Variants in SCAPER observed in about 807,000 individuals in gnomAD.
SCAPER encodes the protein S-phase cyclin A associated protein in the ER.
A neutral mutation model predicts 182.2 loss-of-function variants in SCAPER; 98 were observed. The ratio of observed to expected loss-of-function variants is 0.54; its 90% CI spans 0.46 to 0.64. The LOEUF is 0.64. Among genes scored for constraint, SCAPER ranks in the 30% least tolerant of loss-of-function variants. The pLI, the probability that SCAPER is intolerant of heterozygous loss-of-function variation, is 0.00. For synonymous variants in SCAPER, 605 were observed against 564.6 expected, an observed-to-expected ratio of 1.07 and a Z score of -1.01; for missense variants, 1,432 against 1,690.0, an observed-to-expected ratio of 0.85 and a Z score of 2.68.
intron 20 of SCAPER, among the ~76,000 whole-genome samples, chr15:76,700,353 G>A (rs2058871658): frequency 6.6e-6 from 1 of 152,156 alleles, no homozygotes; most frequent in African/African-American, 2.4e-5. Context: ...ACCTCTCCAA[G>A]CAATTCTCCC....
At chr15:76,587,159 C>T (rs1046114969) in intron 22 of SCAPER, among the ~76,000 whole-genome samples, 10 of 151,952 alleles carry the variant, frequency 6.6e-5, no homozygotes, top group African/African-American at 1.2e-4. Flanking sequence ...TAATATCTCC[C>T]GTTTTATAAT....
At chr15:76,803,818 A>C (rs114281563) in intron 6 of SCAPER, among the ~76,000 whole-genome samples, 71 of 152,326 alleles carry the variant, frequency 4.7e-4, no homozygotes, top group African/African-American at 1.7e-3. Flanking sequence ...TCAACATATG[A>C]ATTTTGGGAA....
chr15:76,830,150 G>T (rs1305400765), intron 5 of SCAPER, among the ~76,000 whole-genome samples: 1 of 152,036 alleles, frequency 6.6e-6, no homozygotes, highest in East Asian at 1.9e-4. Flanking sequence ...ACATGGAAAG[G>T]CCAGGAAACA....
intron 21 of SCAPER, among the ~76,000 whole-genome samples, chr15:76,657,630 G>A (rs1287016028): frequency 6.8e-6 from 1 of 147,262 alleles, no homozygotes; most frequent in Non-Finnish European, 1.5e-5. Context: ...AAAGAACACA[G>A]GCCATTATTC....
chr15:76,625,463 T>C (rs993095765), intron 21 of SCAPER, among the ~76,000 whole-genome samples: 1 of 152,120 alleles, frequency 6.6e-6, no homozygotes, highest in Non-Finnish European at 1.5e-5. Context: ...CTAGGGGCAG[T>C]AGGGTCTTTG....
At chr15:76,790,360 A>G (rs1044355390) in intron 8 of SCAPER, among the ~76,000 whole-genome samples, 2 of 152,218 alleles carry the variant, frequency 1.3e-5, no homozygotes, top group East Asian at 1.9e-4. Context: ...AAGAGTTTCT[A>G]TAAGATTCAC....
At chr15:76,873,133 C>G (rs1293368714) in intron 2 of SCAPER, among the ~76,000 whole-genome samples, 2 of 151,466 alleles carry the variant, frequency 1.3e-5, no homozygotes, top group African/African-American at 4.9e-5. Context: ...CACCTGTAGT[C>G]CCGGCTACTC....
At chr15:76,634,299 G>A (rs998860728) in intron 21 of SCAPER, among the ~76,000 whole-genome samples, 2 of 152,058 alleles carry the variant, frequency 1.3e-5, no homozygotes, top group African/African-American at 4.8e-5. Context: ...CTCTCCATGG[G>A]TCATGCCAAC....
At chr15:76,768,096 C>T (rs978775014) in intron 10 of SCAPER, among the ~76,000 whole-genome samples, 1 of 151,908 alleles carries the variant, frequency 6.6e-6, no homozygotes, top group Non-Finnish European at 1.5e-5. Context: ...AAAATATAAA[C>T]CTAATGAGAA....
At chr15:76,615,492 GACACACACACACACACAC>G (rs200914871) in intron 22 of SCAPER, among the ~76,000 whole-genome samples, 9 of 140,680 alleles carry the variant, frequency 6.4e-5, no homozygotes, top group African/African-American at 2.1e-4. Context: ...CACACACACA[GACACACACACACACACAC>G]ACACACACAC....
rs754269452 is a variant in SCAPER, at chr15:76,841,904, A to G, written c.223T>C (p.Ser75Pro). The G allele has an allele frequency of 6.2e-7, 1 of 1,613,690 alleles. No homozygotes were observed. Among genetic ancestry groups the G allele is most frequent in the African/African-American group, 1.3e-5 (1 of 74,900 alleles). The change falls in exon 5 of 32, where the codon TCG (serine) becomes CCG (proline). Residue 75 changes from serine to proline, a missense_variant. By Grantham distance (74) the Ser-to-Pro change is moderately conservative. Transcript: ENST00000563290. The stretch of plus-strand genomic sequence containing the variant: ...AAGTGTTTATCTCCAGTCGTAGACG[A>G]TGTTATTTTACAGTCCACTGCAGTA... ...QSTAVDCKITSSTTGDKHFDK... is the reference protein window; with the variant it reads ...QSTAVDCKITPSTTGDKHFDK...
At chr15:76,453,459 C>T (rs750470595) in intron 25 of SCAPER, among the ~76,000 whole-genome samples, 2 of 152,174 alleles carry the variant, frequency 1.3e-5, no homozygotes, top group African/African-American at 2.4e-5. Context: ...TTGAAGATTA[C>T]AGGTTATTTT....
At chr15:76,575,415 T>A (rs1433665974) in intron 22 of SCAPER, among the ~76,000 whole-genome samples, 6 of 152,216 alleles carry the variant, frequency 3.9e-5, no homozygotes, top group Non-Finnish European at 7.3e-5. Context: ...CATAAGATGA[T>A]CCTACATTTC....
Position 76,348,738 on chromosome 15 carries a change from TGA to T in SCAPER, c.4100-4_4100-3del, listed in dbSNP as rs992476168. ...AGTCTTGGGAACCAAGGCATTTCCC[TGA>T]GAGGGGGATAAAAGAGAAAAAAGTT... On this transcript the variant is annotated splice_polypyrimidine_tract_variant and splice_region_variant and intron_variant, in intron 31 of 31. Coordinates refer to ENST00000563290, the MANE Select transcript of SCAPER (RefSeq NM_020843.4). 40 of 1,503,046 alleles carry T rather than the reference TGA, an allele frequency of 2.7e-5. No homozygotes were observed. In the African/African-American group the frequency reaches 3.3e-4, roughly 13 times the overall value. The allele number at this position is 1,503,046 out of a possible 1,614,324, so 93.1% of individuals were successfully genotyped here. A position where few individuals can be genotyped will look rare whatever the true frequency, so the allele number is the denominator to read the frequency against.
At chr15:76,498,403 A>G (rs2040806102) in intron 24 of SCAPER, 1 of 152,234 alleles carries the variant, frequency 6.6e-6, no homozygotes, top group Non-Finnish European at 1.5e-5. Flanking sequence ...ATCAGCCTCT[A>G]CACAACACAA....
At chr15:76,448,856 C>T (rs1412372514) in intron 25 of SCAPER, among the ~76,000 whole-genome samples, 1 of 152,064 alleles carries the variant, frequency 6.6e-6, no homozygotes, top group Non-Finnish European at 1.5e-5. Flanking sequence ...AGAATGGATG[C>T]AGACAGCTCT....
intron 5 of SCAPER, among the ~76,000 whole-genome samples, chr15:76,812,357 C>T (rs902270171): frequency 6.6e-6 from 1 of 151,016 alleles, no homozygotes; most frequent in African/African-American, 2.4e-5. Context: ...GACATGGTGG[C>T]ATGCGCCTGT....
intron 22 of SCAPER, among the ~76,000 whole-genome samples, chr15:76,605,777 T>A (rs1382099713): frequency 2.0e-5 from 3 of 152,250 alleles, no homozygotes; most frequent in Non-Finnish European, 4.4e-5. Flanking sequence ...GATGAATTTA[T>A]CCATTTCTTC....
At chr15:76,585,872 C>T (rs1490716604) in intron 22 of SCAPER, among the ~76,000 whole-genome samples, 1 of 152,154 alleles carries the variant, frequency 6.6e-6, no homozygotes, top group Non-Finnish European at 1.5e-5. Flanking sequence ...ATTTTCCTCA[C>T]AGTGCAAAAA....
Sources: allele counts gnomAD v4.1 joint callset (sites outside exome capture counted in the v4.1 genomes callset), GRCh38; gene constraint gnomAD v4.1.1; transcripts MANE v1.5; gene names NCBI Gene and HGNC (gene_info 2026-07-23, HGNC 2026-07-21).